The following KIRREL3 variants were observed in gnomAD, a reference collection of about 807,000 sequenced individuals.
KIRREL3 encodes kirre like nephrin family adhesion molecule 3.
Under a neutral mutation model 89.7 loss-of-function variants are expected in KIRREL3, and 36 were observed. The observed-to-expected ratio is 0.40, with a 90% CI of 0.31 to 0.53. The LOEUF is 0.53. Among genes scored for constraint, KIRREL3 ranks in the 20% least tolerant of loss-of-function variants. The pLI is 0.49. For missense variants in KIRREL3, 864 were observed against 1,056.6 expected, an observed-to-expected ratio of 0.82 and a Z score of 2.53; for synonymous variants, 445 against 441.4, an observed-to-expected ratio of 1.01 and a Z score of -0.10.
At chr11:126,789,150 C>T (rs140233445) in intron 1 of KIRREL3, among the ~76,000 whole-genome samples, 2 of 152,334 alleles carry the variant, frequency 1.3e-5, no homozygotes, top group African/African-American at 4.8e-5. Flanking sequence ...TTCCCCAGTG[C>T]CTAGCAGCCC....
intron 1 of KIRREL3, among the ~76,000 whole-genome samples, chr11:126,833,189 T>C (rs113886234): frequency 0.018 from 2,707 of 152,348 alleles, 91 homozygotes; most frequent in African/African-American, 0.057. Context: ...GGCACAAGGA[T>C]GAAGCAAGCT....
chr11:126,498,934 G>A lies in KIRREL3; in HGVS notation c.433+22381C>T, dbSNP rs1379809851. Among the ~76,000 whole-genome samples, 1 of 152,184 alleles carries A rather than the reference G, an allele frequency of 6.6e-6. No homozygotes were observed. Among genetic ancestry groups the A allele is most frequent in the Non-Finnish European group, 1.5e-5 (1 of 68,040 alleles). ...AATCCCAGCACTTTGGGAGGTGGAG[G>A]CGGGTGGATCACCTGAGGTCATGAG... On this transcript the variant is annotated intron_variant, in intron 4 of 16. Coordinates refer to ENST00000525144, the MANE Select transcript of KIRREL3 (RefSeq NM_032531.4). The surrounding 1 kb of genome is among the most constrained non-coding windows in gnomAD (Gnocchi z 4.3).
At chr11:126,445,334 G>A (rs1955747311) in intron 9 of KIRREL3, among the ~76,000 whole-genome samples, 1 of 152,254 alleles carries the variant, frequency 6.6e-6, no homozygotes, top group African/African-American at 2.4e-5. Flanking sequence ...TGTGACTGAG[G>A]ATGTTACATC....
chr11:126,785,548 G>A (rs544940344), intron 1 of KIRREL3, among the ~76,000 whole-genome samples: 55 of 152,144 alleles, frequency 3.6e-4, no homozygotes, highest in African/African-American at 1.3e-3. Flanking sequence ...GTCCTATTGT[G>A]TCCCTCCAAA....
At chr11:126,871,958 T>G (rs1198436352) in intron 1 of KIRREL3, among the ~76,000 whole-genome samples, 7 of 152,162 alleles carry the variant, frequency 4.6e-5, no homozygotes, top group Admixed American at 6.5e-5. Flanking sequence ...ACTCAGGATA[T>G]CCTCCTGTTT....
chr11:126,946,663 G>T lies in KIRREL3; in HGVS notation c.55+53792C>A, dbSNP rs1948627603. 6.6e-6 allele frequency among the ~76,000 whole-genome samples: 1 copy of T among 152,126 alleles called. No homozygotes were observed. The highest frequency in any genetic ancestry group is 6.5e-5 in the Admixed American group (1 of 15,272). On this transcript the variant is annotated intron_variant, in intron 1 of 16. Transcript: ENST00000525144. The surrounding 1 kb of genome is among the most constrained non-coding windows in gnomAD (Gnocchi z 4.1). ...CAGGAAGGACATTACTTCATAATAA[G>T]ATTAAATGGCTGCAAAAAATTCAAT...
Position 126,449,163 on chromosome 11 carries a change from A to G in KIRREL3, c.849-6T>C. On this transcript the variant is annotated splice_polypyrimidine_tract_variant and splice_region_variant and intron_variant, in intron 7 of 16. Transcript: ENST00000525144. ...TCTGGCCCCGCTTGGCCCACCTGCAACAAAGGCCAGGGGCTGATGTGGGCC... is the reference window on the plus strand; with the variant it reads ...TCTGGCCCCGCTTGGCCCACCTGCAGCAAAGGCCAGGGGCTGATGTGGGCC... 6.2e-7 allele frequency: 1 copy of G among 1,613,734 alleles called. No homozygotes were observed. Among genetic ancestry groups the G allele is most frequent in the Non-Finnish European group, 8.5e-7 (1 of 1,179,704 alleles).
At chr11:126,539,002 G>A (rs1421639854) in intron 2 of KIRREL3, among the ~76,000 whole-genome samples, 1 of 152,186 alleles carries the variant, frequency 6.6e-6, no homozygotes. Context: ...AACAGCTTAC[G>A]TCAAGTGTGG....
At position 126,830,569 on chromosome 11, in the gene KIRREL3, C is replaced by T. The variant is rs1312913646; in HGVS notation, c.55+169886G>A. Among the ~76,000 whole-genome samples the T allele has an allele frequency of 1.3e-5, 2 of 152,150 alleles. No individual in the cohort carries two copies. Among genetic ancestry groups the T allele is most frequent in the African/African-American group, 2.4e-5 (1 of 41,438 alleles). ...GCATCCCTGGATTCTACAGGTGGCTCGGTGACAGTCATCTCTTAGTGTTTC... is the reference window on the plus strand; with the variant it reads ...GCATCCCTGGATTCTACAGGTGGCTTGGTGACAGTCATCTCTTAGTGTTTC... On this transcript the variant is annotated intron_variant, in intron 1 of 16. Transcript: ENST00000525144. This position sits in a 1 kb window ranked among gnomAD's most constrained non-coding sequence, Gnocchi z 4.9.
At chr11:126,675,174 C>T (rs948291726) in intron 1 of KIRREL3, among the ~76,000 whole-genome samples, 1 of 152,230 alleles carries the variant, frequency 6.6e-6, no homozygotes, top group Non-Finnish European at 1.5e-5. Flanking sequence ...ACCATCCTGG[C>T]ATTGGAGCCT....
At chr11:126,863,414 T>C (rs147494359) in intron 1 of KIRREL3, among the ~76,000 whole-genome samples, 81,877 of 120,386 alleles carry the variant, frequency 0.68, 25,210 homozygotes, top group African/African-American at 0.79. Context: ...TGAGTGCGTG[T>C]GTGAGCGCAT....
Position 126,694,143 on chromosome 11 carries a change from GT to G in KIRREL3, c.56-131232del, listed in dbSNP as rs962310092. Among the ~76,000 whole-genome samples, 2 of 152,072 alleles carry G rather than the reference GT, an allele frequency of 1.3e-5. No homozygotes were observed. The highest frequency in any genetic ancestry group is 4.8e-5 in the African/African-American group (2 of 41,396). On this transcript the variant is annotated intron_variant, in intron 1 of 16. Coordinates refer to ENST00000525144, the MANE Select transcript of KIRREL3 (RefSeq NM_032531.4). The surrounding 1 kb of genome is among the most constrained non-coding windows in gnomAD (Gnocchi z 4.4). ...CTCCATCCCTAAGGGAGCCACATTCGTTTTTTTTCCTTTCAAAGTCGTCAGG... is the reference window on the plus strand; with the variant it reads ...CTCCATCCCTAAGGGAGCCACATTCGTTTTTTTCCTTTCAAAGTCGTCAGG...
At position 126,664,537 on chromosome 11, in the gene KIRREL3, G is replaced by C. The variant is rs76322191; in HGVS notation, c.56-101625C>G. 6.6e-6 allele frequency among the ~76,000 whole-genome samples: 1 copy of C among 152,170 alleles called. No homozygotes were observed. The highest frequency in any genetic ancestry group is 1.5e-5 in the Non-Finnish European group (1 of 68,030). On this transcript the variant is annotated intron_variant, in intron 1 of 16. Coordinates refer to ENST00000525144, the MANE Select transcript of KIRREL3 (RefSeq NM_032531.4). The surrounding 1 kb of genome is among the most constrained non-coding windows in gnomAD (Gnocchi z 5.4). ...AGGCATAGATCTTCTGTTGGAACTG[G>C]GGATACTGAAAGGGATGAAGAAGTT...
rs966514761 is a variant in KIRREL3, at chr11:126,812,657, G to T, written c.55+187798C>A. 6.6e-6 allele frequency among the ~76,000 whole-genome samples: 1 copy of T among 152,186 alleles called. No individual in the cohort carries two copies. The highest frequency in any genetic ancestry group is 2.4e-5 in the African/African-American group (1 of 41,442). ...TAACTAGATTTTCTTAGTCCGCCCT[G>T]ACTTTGGGCCTTTGTCCATACAGCA... On this transcript the variant is annotated intron_variant, in intron 1 of 16. Coordinates refer to ENST00000525144, the MANE Select transcript of KIRREL3 (RefSeq NM_032531.4). The surrounding 1 kb of genome is among the most constrained non-coding windows in gnomAD (Gnocchi z 5.2).
At chr11:126,829,274 C>A (rs568830441) in intron 1 of KIRREL3, among the ~76,000 whole-genome samples, 3 of 152,030 alleles carry the variant, frequency 2.0e-5, no homozygotes, top group Non-Finnish European at 4.4e-5. Flanking sequence ...AATGGCAAAG[C>A]CAAGAGGGTT....
At chr11:126,777,150 G>T (rs533251573) in intron 1 of KIRREL3, among the ~76,000 whole-genome samples, 1 of 152,290 alleles carries the variant, frequency 6.6e-6, no homozygotes, top group East Asian at 1.9e-4. Flanking sequence ...TTGCTGGATT[G>T]CAATGCCTGG....
chr11:126,509,610 T>C (rs1958135740), intron 4 of KIRREL3, among the ~76,000 whole-genome samples: 1 of 152,202 alleles, frequency 6.6e-6, no homozygotes, highest in Admixed American at 6.5e-5. Flanking sequence ...TGCAGAATGG[T>C]AAAGTTTTGA....
chr11:126,632,235 C>T (rs1944057371), intron 1 of KIRREL3, among the ~76,000 whole-genome samples: 1 of 152,218 alleles, frequency 6.6e-6, no homozygotes, highest in Non-Finnish European at 1.5e-5. Flanking sequence ...AGCTGAATTT[C>T]TCTAATCAGG....
chr11:126,885,168 C>A (rs887741557), intron 1 of KIRREL3, among the ~76,000 whole-genome samples: 2 of 152,104 alleles, frequency 1.3e-5, no homozygotes, highest in Non-Finnish European at 2.9e-5. Context: ...TCTTGGACAA[C>A]GACTTACTTT....
Sources: gnomAD v4.1 joint callset for allele counts (sites outside exome capture counted in the v4.1 genomes callset) on GRCh38, gnomAD v4.1.1 for gene constraint, Gnocchi (gnomAD v3.1) non-coding constraint, MANE v1.5 for transcripts, NCBI Gene and HGNC (gene_info 2026-07-23, HGNC 2026-07-21) for gene names.